The following CDH9 variants were observed in gnomAD, a reference collection of about 807,000 sequenced individuals.
CDH9 encodes cadherin 9, also known as cadherin-9.
CDH9 carries 28 observed loss-of-function variants against 70.9 expected under a neutral mutation model. The observed-to-expected ratio is 0.40, with a 90% CI of 0.29 to 0.54. The LOEUF is 0.54. CDH9 is among the 20% of genes least tolerant of loss of function. CDH9 has a pLI of 0.59. For synonymous variants in CDH9, 409 were observed against 343.1 expected (o/e 1.19, Z -2.12); for missense variants, 874 against 984.4 (o/e 0.89, Z 1.50).
chr5:27,007,216 A>C (rs1212409457), intron 1 of CDH9, among the ~76,000 whole-genome samples: 1 of 152,064 alleles, frequency 6.6e-6, no homozygotes, highest in African/African-American at 2.4e-5. Context: ...AGTGTTAAAA[A>C]TTGTCTATAT....
At chr5:26,886,498 T>A (rs1312621293) in intron 9 of CDH9, among the ~76,000 whole-genome samples, 1 of 152,076 alleles carries the variant, frequency 6.6e-6, no homozygotes, top group Non-Finnish European at 1.5e-5. Flanking sequence ...GATGCATTTT[T>A]AAAAACACCA....
intron 2 of CDH9, among the ~76,000 whole-genome samples, chr5:26,951,345 G>A (rs1041956254): frequency 2.8e-5 from 4 of 141,438 alleles, no homozygotes; most frequent in South Asian, 2.4e-4. Flanking sequence ...TAATCTCCTC[G>A]TAACCATGCT....
chr5:27,037,071 C>A (rs1743406034), intron 1 of CDH9, among the ~76,000 whole-genome samples: 1 of 151,962 alleles, frequency 6.6e-6, no homozygotes, highest in African/African-American at 2.4e-5. Flanking sequence ...AAATAGGATT[C>A]TTCTTCTGCA....
chr5:26,948,911 A>G (rs1359237656), intron 2 of CDH9, among the ~76,000 whole-genome samples: 2 of 152,212 alleles, frequency 1.3e-5, no homozygotes, highest in African/African-American at 4.8e-5. Flanking sequence ...AGAGGCAGGA[A>G]TGATGGGGTG....
At chr5:26,906,216 TA>T in intron 4 of CDH9, 90 bp from the exon 5 acceptor site, 1 of 1,016,840 alleles carries the variant, frequency 9.8e-7, no homozygotes, top group Non-Finnish European at 1.5e-6. Context: ...AAGTTGATTA[TA>T]ACAAACATAA....
chr5:26,901,000 C>G (rs1740845313), intron 7 of CDH9, among the ~76,000 whole-genome samples: 1 of 151,956 alleles, frequency 6.6e-6, no homozygotes, highest in Non-Finnish European at 1.5e-5. Context: ...CACTCATATA[C>G]CATTTCAATA....
chr5:27,014,397 A>AC (rs952252537), intron 1 of CDH9, among the ~76,000 whole-genome samples: 22 of 152,052 alleles, frequency 1.4e-4, no homozygotes, highest in African/African-American at 5.3e-4. Flanking sequence ...GGTTGACTAT[A>AC]GCTGTGTTCC....
chr5:26,923,540 A>G (rs1341743497), intron 2 of CDH9, among the ~76,000 whole-genome samples: 1 of 152,058 alleles, frequency 6.6e-6, no homozygotes, highest in Non-Finnish European at 1.5e-5. Context: ...CAACAAAGAA[A>G]CATTGGAACT....
chr5:26,929,217 G>A (rs563823695), intron 2 of CDH9, among the ~76,000 whole-genome samples: 2 of 151,982 alleles, frequency 1.3e-5, no homozygotes, highest in Admixed American at 6.6e-5. Context: ...AAATGCAAAT[G>A]GCAAACACGT....
intron 1 of CDH9, among the ~76,000 whole-genome samples, chr5:26,991,761 T>C (rs540067541): frequency 1.5e-3 from 231 of 152,310 alleles, no homozygotes; most frequent in Middle Eastern, 3.4e-3. Flanking sequence ...TTCTAGATTA[T>C]TTATGAACTA....
chr5:26,983,317 T>A (rs1742433584), intron 2 of CDH9, among the ~76,000 whole-genome samples: 1 of 152,202 alleles, frequency 6.6e-6, no homozygotes, highest in Non-Finnish European at 1.5e-5. Flanking sequence ...CTTAAGTGAA[T>A]TTCAGTTAAT....
intron 1 of CDH9, among the ~76,000 whole-genome samples, chr5:27,020,276 A>C (rs976649039): frequency 7.2e-5 from 11 of 151,866 alleles, no homozygotes; most frequent in African/African-American, 2.6e-4. Context: ...AATACACTTA[A>C]ACAGCTTAAA....
At chr5:26,928,931 G>A (rs1257476925) in intron 2 of CDH9, among the ~76,000 whole-genome samples, 1 of 151,822 alleles carries the variant, frequency 6.6e-6, no homozygotes, top group Non-Finnish European at 1.5e-5. Flanking sequence ...TATTGGTTTG[G>A]GCAAAAATTA....
intron 7 of CDH9, among the ~76,000 whole-genome samples, chr5:26,897,213 G>A (rs1330693412): frequency 6.6e-6 from 1 of 151,864 alleles, no homozygotes; most frequent in Non-Finnish European, 1.5e-5. Flanking sequence ...AAGAACAGAC[G>A]GATTCACAGC....
intron 2 of CDH9, among the ~76,000 whole-genome samples, chr5:26,985,414 G>A (rs184356333): frequency 3.7e-4 from 56 of 152,116 alleles, no homozygotes; most frequent in Admixed American, 1.2e-3. Context: ...TATTTACTAC[G>A]TGTCACAATT....
chr5:26,984,810 G>A (rs1025383010), intron 2 of CDH9, among the ~76,000 whole-genome samples: 1 of 152,032 alleles, frequency 6.6e-6, no homozygotes, highest in South Asian at 2.1e-4. Flanking sequence ...AACAATATTT[G>A]TAAATCTCTG....
At chr5:26,899,719 G>T (rs1740818330) in intron 7 of CDH9, among the ~76,000 whole-genome samples, 2 of 152,052 alleles carry the variant, frequency 1.3e-5, no homozygotes, top group South Asian at 2.1e-4. Context: ...GGCCTGTCAG[G>T]GGTTGGGGGA....
At chr5:26,964,335 T>G (rs574512869) in intron 2 of CDH9, among the ~76,000 whole-genome samples, 1 of 152,302 alleles carries the variant, frequency 6.6e-6, no homozygotes, top group Admixed American at 6.5e-5. Context: ...TCTCTAAGAC[T>G]TTGCTTCACT....
intron 2 of CDH9, among the ~76,000 whole-genome samples, chr5:26,949,877 G>A (rs1321857269): frequency 6.6e-6 from 1 of 152,132 alleles, no homozygotes; most frequent in East Asian, 1.9e-4. Context: ...TTTAGCAGAG[G>A]TCTCAAAAAT....
Sources: allele counts gnomAD v4.1 joint callset (sites outside exome capture counted in the v4.1 genomes callset), GRCh38; gene constraint gnomAD v4.1.1; transcripts MANE v1.5; gene names NCBI Gene and HGNC (gene_info 2026-07-23, HGNC 2026-07-21).